The following GAREM1 variants were observed in gnomAD, a reference collection of about 807,000 sequenced individuals.
GAREM1 encodes GRB2-associated and regulator of MAPK protein 1.
GAREM1 carries 26 observed loss-of-function variants against 71.3 expected under a neutral mutation model. That is an observed-to-expected ratio of 0.36 (90% CI 0.27 to 0.51). GAREM1 has a LOEUF of 0.51. Among genes scored for constraint, GAREM1 ranks in the 20% least tolerant of loss-of-function variants. The pLI is 0.95. For missense variants in GAREM1, 1,026 were observed against 1,103.1 expected, an observed-to-expected ratio of 0.93 and a Z score of 0.99; for synonymous variants, 440 against 433.2, an observed-to-expected ratio of 1.02 and a Z score of -0.20.
chr18:32,374,398 C>T (rs1466462230), intron 2 of GAREM1, among the ~76,000 whole-genome samples: 2 of 152,202 alleles, frequency 1.3e-5, no homozygotes, highest in Non-Finnish European at 1.5e-5. Context: ...ACCTTCTCTG[C>T]AAGTTTTGCT....
rs572491724 is a variant in GAREM1, at chr18:32,391,639, G to T, written c.262+1256C>A. 3.3e-5 allele frequency among the ~76,000 whole-genome samples: 5 copies of T among 152,228 alleles called. No homozygotes were observed. In the South Asian group the frequency reaches 1.0e-3, roughly 32 times the overall value. On this transcript the variant is annotated intron_variant, in intron 2 of 5. Coordinates refer to ENST00000269209, the MANE Select transcript of GAREM1 (RefSeq NM_001242409.2). ...CACTACTAGTAGGAACCATTCTGATGACAGAATGGGTAGGGTAGGGGGTTT... is the reference window on the plus strand; with the variant it reads ...CACTACTAGTAGGAACCATTCTGATTACAGAATGGGTAGGGTAGGGGGTTT...
chr18:32,441,925 AC>A (rs1359931833), intron 1 of GAREM1, among the ~76,000 whole-genome samples: 1 of 151,636 alleles, frequency 6.6e-6, no homozygotes, highest in African/African-American at 2.4e-5. Flanking sequence ...ATTCATAACT[AC>A]CCCCACAATA....
intron 2 of GAREM1, among the ~76,000 whole-genome samples, chr18:32,359,950 A>AAATG (rs2047848864): frequency 6.6e-6 from 1 of 151,716 alleles, no homozygotes; most frequent in South Asian, 2.1e-4. Context: ...ATAAATAAAT[A>AAATG]AATAAAAAAT....
intron 4 of GAREM1, among the ~76,000 whole-genome samples, chr18:32,286,321 AGTGTGTGTGTGTGT>A (rs140225815): frequency 4.9e-4 from 70 of 143,232 alleles, no homozygotes; most frequent in Admixed American, 5.6e-4. Flanking sequence ...CTGGTTCTGG[AGTGTGTGTGTGTGT>A]GTGTGTGTGT....
At chr18:32,416,978 G>C (rs552739403) in intron 1 of GAREM1, among the ~76,000 whole-genome samples, 2 of 152,114 alleles carry the variant, frequency 1.3e-5, no homozygotes, top group South Asian at 2.1e-4. Flanking sequence ...ATCTGACAAG[G>C]GATTCATAAC....
At position 32,470,569 on chromosome 18, in the gene GAREM1, G is replaced by C. The variant is rs904886523; in HGVS notation, c.-141C>G. ...GCTCCGGCCGCGGGCAGCCGGGGGG[G>C]CGCGGCGACTGGGGCGGCCCGGAGG... On this transcript the variant is annotated 5_prime_UTR_variant, in exon 1 of 6. Transcript: ENST00000269209. The surrounding 1 kb of genome is among the most constrained non-coding windows in gnomAD (Gnocchi z 4.4). The C allele has an allele frequency of 2.1e-6, 1 of 480,522 alleles. No individual in the cohort carries two copies. Among genetic ancestry groups the C allele is most frequent in the African/African-American group, 2.1e-5 (1 of 47,294 alleles). 29.8% of individuals were successfully genotyped at this position (480,522 alleles called of 1,614,324 possible). A position where few individuals can be genotyped will look rare whatever the true frequency, so the allele number is the denominator to read the frequency against.
rs2144465314 is a variant in GAREM1 at position 32,287,264 on chromosome 18, T to C, written c.1333A>G (p.Ile445Val). 3 of 1,614,204 alleles carry C rather than the reference T, an allele frequency of 1.9e-6. No individual in the cohort carries two copies. Among genetic ancestry groups the C allele is most frequent in the Non-Finnish European group, 2.5e-6 (3 of 1,180,026 alleles). The change falls in exon 4 of 6, where the codon ATC becomes GTC. Residue 445 changes from isoleucine to valine, a missense_variant. Ile to Val is a conservative substitution (Grantham distance 29, BLOSUM62 3). Around this residue, in one of 3 missense-constraint regions of GAREM1, gnomAD observed 636 missense variants for 631.2 expected, o/e 1.01. Coordinates refer to ENST00000269209, the MANE Select transcript of GAREM1 (RefSeq NM_001242409.2). The surrounding 1 kb of genome is among the most constrained non-coding windows in gnomAD (Gnocchi z 5.9). The stretch of plus-strand genomic sequence containing the variant: ...TAGGGAAGTTCTGACTTTCCCGGGA[T>C]GCCTGCTGATTCTTCACTAGCTTCT... The part of the protein sequence containing the change: ...FPEASEESAG[I>V]PGKSELPYEE...
intron 1 of GAREM1, among the ~76,000 whole-genome samples, chr18:32,451,048 G>A (rs568515104): frequency 9.2e-5 from 14 of 152,248 alleles, no homozygotes; most frequent in African/African-American, 3.4e-4. Flanking sequence ...ACTTAGAGGG[G>A]CTGAGGTGGC....
chr18:32,316,419 T>C (rs1429064520), intron 2 of GAREM1, among the ~76,000 whole-genome samples: 1 of 152,234 alleles, frequency 6.6e-6, no homozygotes, highest in Non-Finnish European at 1.5e-5. Context: ...AACTTTCTCT[T>C]GTGATGTTAA....
intron 1 of GAREM1, among the ~76,000 whole-genome samples, chr18:32,408,624 T>C (rs2048387455): frequency 6.6e-6 from 1 of 152,190 alleles, no homozygotes; most frequent in Non-Finnish European, 1.5e-5. Flanking sequence ...TGTATCCATT[T>C]GACCATTGTT....
In GAREM1 at chr18:32,305,740, G is replaced by A. The variant is rs1344080514; in HGVS notation, c.393+4453C>T. Among the ~76,000 whole-genome samples, 6 of 152,096 alleles carry A rather than the reference G, an allele frequency of 3.9e-5. No homozygotes were observed. In the South Asian group the frequency reaches 1.0e-3, roughly 26 times the overall value. ...TCGCCACATTGGCCAGGCAGGTCTC[G>A]AACTCCTGACCTCAAGTGATCCACC... On this transcript the variant is annotated intron_variant, in intron 3 of 5. Transcript: ENST00000269209.
chr18:32,349,959 T>C lies in GAREM1; in HGVS notation c.263-39636A>G, dbSNP rs75970329. ...GAACATTCTTGGTAAACTGACATCA[T>C]CATGACAACTCTGGCAGGGCTCCAA... On this transcript the variant is annotated intron_variant, in intron 2 of 5. Coordinates refer to ENST00000269209, the MANE Select transcript of GAREM1 (RefSeq NM_001242409.2). Among the ~76,000 whole-genome samples, 539 of 152,330 alleles carry C rather than the reference T, an allele frequency of 3.5e-3. 4 individuals are homozygous for C. Among genetic ancestry groups the C allele is most frequent in the Non-Finnish European group, 6.8e-3 (461 of 68,028 alleles).
At position 32,267,291 on chromosome 18, in the gene GAREM1, T is replaced by C. The variant is rs372011263; in HGVS notation, c.*580A>G. 3 of 152,306 alleles carry C rather than the reference T, an allele frequency of 2.0e-5. No homozygotes were observed. The highest frequency in any genetic ancestry group is 3.9e-4 in the East Asian group (2 of 5,186). 9.4% of individuals were successfully genotyped at this position (152,306 alleles called of 1,614,324 possible). A position where few individuals can be genotyped will look rare whatever the true frequency, so the allele number is the denominator to read the frequency against. ...GTGTGATTTCTAAGGACAACATATA[T>C]CCCTTTATCAACATATGACTCTTGG... On this transcript the variant is annotated 3_prime_UTR_variant, in exon 6 of 6. Coordinates refer to ENST00000269209, the MANE Select transcript of GAREM1 (RefSeq NM_001242409.2).
intron 2 of GAREM1, among the ~76,000 whole-genome samples, chr18:32,381,913 C>A (rs2048101586): frequency 6.6e-6 from 1 of 152,130 alleles, no homozygotes; most frequent in African/African-American, 2.4e-5. Context: ...ACCTGAAGGC[C>A]TCCCACTCCT....
At chr18:32,413,282 A>G in intron 1 of GAREM1, 1 of 1,377,304 alleles carries the variant, frequency 7.3e-7, no homozygotes, top group Non-Finnish European at 1.0e-6. Flanking sequence ...TGGGGGAGTC[A>G]CTCACATTAA....
chr18:32,292,649 T>C (rs116191747), intron 3 of GAREM1, among the ~76,000 whole-genome samples: 10,362 of 152,248 alleles, frequency 0.068, 723 homozygotes, highest in African/African-American at 0.18. Context: ...GCTTCCCACA[T>C]TGCTGGGCAC....
chr18:32,410,805 T>G (rs907218673), intron 1 of GAREM1, among the ~76,000 whole-genome samples: 2 of 152,158 alleles, frequency 1.3e-5, no homozygotes, highest in Non-Finnish European at 2.9e-5. Context: ...TTCGGTTTTT[T>G]GTTCTGTTTT....
chr18:32,461,107 G>A (rs2048950716), intron 1 of GAREM1, among the ~76,000 whole-genome samples: 1 of 139,386 alleles, frequency 7.2e-6, no homozygotes, highest in South Asian at 2.2e-4. Flanking sequence ...AAAATATAAT[G>A]TCTGCCTCAA....
At chr18:32,353,871 G>A (rs2047778082) in intron 2 of GAREM1, among the ~76,000 whole-genome samples, 1 of 152,158 alleles carries the variant, frequency 6.6e-6, no homozygotes, top group African/African-American at 2.4e-5. Context: ...GGGAAAGGAA[G>A]AGAAGGGAGA....
Sources: allele counts gnomAD v4.1 joint callset (sites outside exome capture counted in the v4.1 genomes callset), GRCh38; gene constraint gnomAD v4.1.1; regional missense constraint gnomAD v4.1.1; non-coding constraint Gnocchi (gnomAD v3.1); transcripts MANE v1.5; gene names NCBI Gene and HGNC (gene_info 2026-07-23, HGNC 2026-07-21).